Variants in WWOX observed in about 807,000 individuals in gnomAD.
The protein encoded by WWOX is WW domain-containing oxidoreductase.
WWOX carries 69 observed loss-of-function variants against 46.2 expected under a neutral mutation model. The observed-to-expected ratio is 1.49, with a 90% confidence interval of 1.23 to 1.82. The LOEUF is 1.82. Ranked by LOEUF, WWOX falls within the 40% of genes most tolerant of loss-of-function variation. WWOX has a pLI of 0.00. For synonymous variants in WWOX, 359 were observed against 202.6 expected, an observed-to-expected ratio of 1.77 and a Z score of -6.56; for missense variants, 919 against 542.6, an observed-to-expected ratio of 1.69 and a Z score of -6.89.
At chr16:79,069,704 T>C (rs1233978466) in intron 8 of WWOX, among the ~76,000 whole-genome samples, 3 of 152,248 alleles carry the variant, frequency 2.0e-5, no homozygotes, top group Admixed American at 6.5e-5. Context: ...AGCAGTCAAT[T>C]AAATGAGGCA....
At chr16:78,204,969 G>A (rs1332974731) in intron 5 of WWOX, among the ~76,000 whole-genome samples, 1 of 152,204 alleles carries the variant, frequency 6.6e-6, no homozygotes, top group Non-Finnish European at 1.5e-5. Context: ...ACAATTAAAA[G>A]TTATTTGGGA....
rs35079271 is a variant in WWOX at position 78,293,978 on chromosome 16, G to GAAAAAAAAAAAAAAA, written c.517-92864_517-92850dup. Among the ~76,000 whole-genome samples, 11 of 30,312 alleles carry GAAAAAAAAAAAAAAA rather than the reference G, an allele frequency of 3.6e-4. 1 individual carries two copies. Among genetic ancestry groups the GAAAAAAAAAAAAAAA allele is most frequent in the Non-Finnish European group, 7.3e-4 (11 of 14,974 alleles). The allele number at this position is 30,312 out of a possible 152,430, so 19.9% of individuals were successfully genotyped here. A position where few individuals can be genotyped will look rare whatever the true frequency, so the allele number is the denominator to read the frequency against. ...GGCGACAGAGTGAGACTCTGTCTCA[G>GAAAAAAAAAAAAAAA]AAAAAAAAAAAAAAAAAAAAAAAAA... On this transcript the variant is annotated intron_variant, in intron 5 of 8. Coordinates refer to ENST00000566780, the MANE Select transcript of WWOX (RefSeq NM_016373.4).
chr16:78,436,621 T>C (rs2151390379), intron 8 of WWOX, among the ~76,000 whole-genome samples: 1 of 152,354 alleles, frequency 6.6e-6, no homozygotes, highest in Non-Finnish European at 1.5e-5. Context: ...CCATTGAAAG[T>C]AATACGTCAC....
chr16:79,095,856 CTCTCTT>C (rs1455564705), intron 8 of WWOX, among the ~76,000 whole-genome samples: 1 of 141,090 alleles, frequency 7.1e-6, no homozygotes, highest in African/African-American at 2.8e-5. Context: ...AATTCTCTCT[CTCTCTT>C]TTTTTTTTTT....
At chr16:78,137,783 T>C (rs1466203924) in intron 4 of WWOX, among the ~76,000 whole-genome samples, 1 of 150,906 alleles carries the variant, frequency 6.6e-6, no homozygotes, top group Non-Finnish European at 1.5e-5. Context: ...GTGTGCAAAA[T>C]TGTCAACAGA....
chr16:78,164,060 G>C, intron 4 of WWOX, 123 bp from the exon 5 acceptor site: 1 of 896,638 alleles, frequency 1.1e-6, no homozygotes, highest in South Asian at 1.4e-5. Flanking sequence ...GTCCCCTGGG[G>C]ATCAAAATCA....
At chr16:78,867,442 T>C (rs951201606) in intron 8 of WWOX, among the ~76,000 whole-genome samples, 12 of 152,076 alleles carry the variant, frequency 7.9e-5, no homozygotes, top group African/African-American at 1.2e-4. Flanking sequence ...TAGTTTCCAA[T>C]TGACAGATGG....
At chr16:78,863,398 G>C (rs1442482763) in intron 8 of WWOX, among the ~76,000 whole-genome samples, 1 of 152,188 alleles carries the variant, frequency 6.6e-6, no homozygotes, top group East Asian at 1.9e-4. Context: ...TGGACCCTGA[G>C]TATCTTAGAA....
intron 8 of WWOX, among the ~76,000 whole-genome samples, chr16:79,040,361 G>A (rs1378818610): frequency 4.1e-5 from 6 of 147,466 alleles, no homozygotes; most frequent in Admixed American, 6.9e-5. Flanking sequence ...TGCCACCTCT[G>A]CCTCCCAGGC....
chr16:78,400,560 C>A (rs1280301254), intron 6 of WWOX, among the ~76,000 whole-genome samples: 1 of 152,104 alleles, frequency 6.6e-6, no homozygotes, highest in Non-Finnish European at 1.5e-5. Context: ...CTGTGGTTTA[C>A]AATTTTATTT....
intron 4 of WWOX, among the ~76,000 whole-genome samples, chr16:78,163,185 A>G (rs1350764077): frequency 6.6e-6 from 1 of 152,194 alleles, no homozygotes; most frequent in East Asian, 1.9e-4. Context: ...TATTTGAAAT[A>G]ATCATAGTGG....
At chr16:78,590,045 G>A (rs548504229) in intron 8 of WWOX, among the ~76,000 whole-genome samples, 2 of 152,016 alleles carry the variant, frequency 1.3e-5, no homozygotes, top group Non-Finnish European at 2.9e-5. Context: ...ATAAGTCCTA[G>A]GATTATAGAA....
chr16:78,223,605 C>T (rs1483390730), intron 5 of WWOX, among the ~76,000 whole-genome samples: 1 of 152,080 alleles, frequency 6.6e-6, no homozygotes, highest in Non-Finnish European at 1.5e-5. Flanking sequence ...AAGTGCTCAG[C>T]GTCCCTGGGC....
At chr16:78,385,756 A>G (rs2082047589) in intron 5 of WWOX, among the ~76,000 whole-genome samples, 1 of 152,168 alleles carries the variant, frequency 6.6e-6, no homozygotes, top group Admixed American at 6.5e-5. Flanking sequence ...CTTAAGCATC[A>G]CAGTCTAGAC....
At chr16:78,440,876 T>A (rs1257413374) in intron 8 of WWOX, among the ~76,000 whole-genome samples, 1 of 152,112 alleles carries the variant, frequency 6.6e-6, no homozygotes, top group Non-Finnish European at 1.5e-5. Flanking sequence ...GCCTTGGCCT[T>A]CCAAAGTGTG....
intron 8 of WWOX, among the ~76,000 whole-genome samples, chr16:78,999,365 G>A (rs1026998090): frequency 6.6e-6 from 1 of 152,162 alleles, no homozygotes; most frequent in African/African-American, 2.4e-5. Context: ...AGCTACTCGA[G>A]AGGCTGAGGC....
chr16:78,989,364 T>G (rs1453301096), intron 8 of WWOX, among the ~76,000 whole-genome samples: 1 of 152,104 alleles, frequency 6.6e-6, no homozygotes, highest in Non-Finnish European at 1.5e-5. Flanking sequence ...CTTCCTTGGA[T>G]CCCCAAGATA....
chr16:78,394,794 G>C (rs1245295902), intron 6 of WWOX, among the ~76,000 whole-genome samples: 2 of 152,208 alleles, frequency 1.3e-5, no homozygotes, highest in Non-Finnish European at 1.5e-5. Flanking sequence ...GGCCAGATTG[G>C]CCAGGGGCCA....
At chr16:78,710,643 C>G (rs1370851728) in intron 8 of WWOX, among the ~76,000 whole-genome samples, 1 of 149,624 alleles carries the variant, frequency 6.7e-6, no homozygotes, top group Non-Finnish European at 1.5e-5. Flanking sequence ...GAGACAGGGT[C>G]TTGCTCTGTC....
Sources: gnomAD v4.1 joint callset for allele counts (sites outside exome capture counted in the v4.1 genomes callset) on GRCh38, gnomAD v4.1.1 for gene constraint, MANE v1.5 for transcripts, NCBI Gene and HGNC (gene_info 2026-07-23, HGNC 2026-07-21) for gene names.